Variants in SLC1A2 observed in about 807,000 individuals in gnomAD.
The protein encoded by SLC1A2 is solute carrier family 1 member 2, also known as excitatory amino acid transporter 2.
In SLC1A2, 15 loss-of-function variants were observed where a neutral mutation model predicts 48.8. The observed-to-expected ratio is 0.31, with a 90% CI of 0.21 to 0.47. The LOEUF (loss-of-function observed/expected upper bound fraction) is 0.47. SLC1A2 is among the 20% of genes least tolerant of loss of function. SLC1A2 has a pLI of 0.99. For missense variants in SLC1A2, 502 were observed against 730.5 expected (o/e 0.69, Z 3.61); for synonymous variants, 279 against 272.6 (o/e 1.02, Z -0.23).
chr11:35,390,023 T>C (rs895633662), intron 1 of SLC1A2, among the ~76,000 whole-genome samples: 2 of 152,206 alleles, frequency 1.3e-5, no homozygotes, highest in African/African-American at 4.8e-5. Context: ...GTTTGAAACT[T>C]TGATTTGTAT....
chr11:35,303,110 A>G (rs1851401253), intron 5 of SLC1A2, among the ~76,000 whole-genome samples: 1 of 151,720 alleles, frequency 6.6e-6, no homozygotes, highest in Non-Finnish European at 1.5e-5. Flanking sequence ...GTGTCCAGTT[A>G]TGCCTAAAGT....
chr11:35,328,301 T>A (rs1342113934), intron 1 of SLC1A2, among the ~76,000 whole-genome samples: 3 of 152,156 alleles, frequency 2.0e-5, no homozygotes, highest in South Asian at 2.1e-4. Context: ...GACTCCCCCA[T>A]CAGAGGGACC....
chr11:35,351,792 C>T (rs959852186), intron 1 of SLC1A2, among the ~76,000 whole-genome samples: 4 of 152,078 alleles, frequency 2.6e-5, no homozygotes, highest in East Asian at 1.9e-4. Context: ...CATGCCACTA[C>T]GCCCTGTTAA....
At chr11:35,327,807 C>T (rs1852296314) in intron 1 of SLC1A2, among the ~76,000 whole-genome samples, 1 of 152,166 alleles carries the variant, frequency 6.6e-6, no homozygotes, top group Non-Finnish European at 1.5e-5. Flanking sequence ...GAAACTTGCC[C>T]AAGCTCATGA....
At chr11:35,274,286 G>A (rs1327145265) in intron 9 of SLC1A2, among the ~76,000 whole-genome samples, 1 of 152,128 alleles carries the variant, frequency 6.6e-6, no homozygotes. Context: ...CAGAACTATA[G>A]CCCTGCCCCA....
intron 1 of SLC1A2, among the ~76,000 whole-genome samples, chr11:35,342,166 C>T (rs1411534924): frequency 6.6e-6 from 1 of 152,092 alleles, no homozygotes; most frequent in African/African-American, 2.4e-5. Flanking sequence ...TAGGCTTTTA[C>T]GTTTAAAATA....
intron 10 of SLC1A2, chr11:35,261,773 G>A (rs1259295907): frequency 3.0e-5 from 12 of 398,484 alleles, no homozygotes; most frequent in East Asian, 1.8e-4. Context: ...ATATGGAGAC[G>A]TGACAAACGC....
chr11:35,284,168 TA>T (rs1349410537), intron 8 of SLC1A2, among the ~76,000 whole-genome samples: 1 of 149,630 alleles, frequency 6.7e-6, no homozygotes, highest in Non-Finnish European at 1.5e-5. Flanking sequence ...GTGTAATGGT[TA>T]AAAACACAAA....
intron 1 of SLC1A2, among the ~76,000 whole-genome samples, chr11:35,398,603 C>A (rs180917519): frequency 6.6e-6 from 1 of 152,256 alleles, no homozygotes; most frequent in African/African-American, 2.4e-5. Context: ...GTATACCAAA[C>A]CCCTGTGACA....
chr11:35,404,878 A>G (rs1031337587), intron 1 of SLC1A2, among the ~76,000 whole-genome samples: 2 of 152,148 alleles, frequency 1.3e-5, no homozygotes, highest in African/African-American at 4.8e-5. Context: ...AGACGAGAAA[A>G]CCCAGCATCT....
intron 1 of SLC1A2, among the ~76,000 whole-genome samples, chr11:35,353,926 A>C (rs117775986): frequency 1.3e-5 from 2 of 152,330 alleles, no homozygotes; most frequent in East Asian, 3.9e-4. Context: ...ATTAATATAC[A>C]TTTAAACTTT....
At chr11:35,412,698 C>T (rs920794292) in intron 1 of SLC1A2, among the ~76,000 whole-genome samples, 1 of 152,220 alleles carries the variant, frequency 6.6e-6, no homozygotes. Flanking sequence ...AGTTAAGTCG[C>T]AACCCTAAAC....
At chr11:35,322,546 A>G (rs1490299382) in intron 1 of SLC1A2, 2 of 1,463,962 alleles carry the variant, frequency 1.4e-6, no homozygotes, top group African/African-American at 1.4e-5. Flanking sequence ...GAGGTTTGCA[A>G]TGGGCTTCAC....
intron 1 of SLC1A2, among the ~76,000 whole-genome samples, chr11:35,330,773 G>A (rs1852400695): frequency 6.6e-6 from 1 of 152,200 alleles, no homozygotes; most frequent in South Asian, 2.1e-4. Context: ...GCCAAGGCAT[G>A]TGAGAAGCTT....
intron 1 of SLC1A2, among the ~76,000 whole-genome samples, chr11:35,412,349 T>C (rs769614659): frequency 6.6e-6 from 1 of 152,238 alleles, no homozygotes; most frequent in African/African-American, 2.4e-5. Context: ...TGTAGATATA[T>C]GTCAATTGCC....
chr11:35,356,898 T>C (rs1416842729), intron 1 of SLC1A2, among the ~76,000 whole-genome samples: 1 of 152,262 alleles, frequency 6.6e-6, no homozygotes, highest in African/African-American at 2.4e-5. Context: ...TTTTACTCAT[T>C]TAATTTGCTC....
At chr11:35,392,734 T>G (rs1267865696) in intron 1 of SLC1A2, among the ~76,000 whole-genome samples, 1 of 152,160 alleles carries the variant, frequency 6.6e-6, no homozygotes, top group Non-Finnish European at 1.5e-5. Flanking sequence ...CAGTATCTGT[T>G]CAGGCTTGGC....
At chr11:35,294,370 C>T (rs911586821) in intron 6 of SLC1A2, among the ~76,000 whole-genome samples, 12 of 152,128 alleles carry the variant, frequency 7.9e-5, no homozygotes, top group African/African-American at 2.7e-4. Context: ...CTTCCCTAGA[C>T]ATTAGGGAGT....
Position 35,286,925 on chromosome 11 carries a change from C to T in SLC1A2, c.1118G>A (p.Arg373His), listed in dbSNP as rs147645566. The T allele has an allele frequency of 1.3e-5, 21 of 1,613,784 alleles. No individual in the cohort carries two copies. Among genetic ancestry groups the T allele is most frequent in the East Asian group, 2.2e-5 (1 of 44,894 alleles). The change falls in exon 8 of 11, where the codon CGT becomes CAT. Residue 373 changes from arginine (R) to histidine (H), a missense_variant. Arg to His is a conservative substitution (Grantham distance 29). Transcript: ENST00000278379. ...AATCCCCAGATTTTCTTCCAGGCAA[C>T]GAAAGGTGACAGGCAAAGTTCCAGC... ...SSAGTLPVTF[R>H]CLEENLGIDK... is the part of the protein sequence containing the mutation.
Sources: gnomAD v4.1 joint callset for allele counts (sites outside exome capture counted in the v4.1 genomes callset) on GRCh38, gnomAD v4.1.1 for gene constraint, MANE v1.5 for transcripts, NCBI Gene and HGNC (gene_info 2026-07-23, HGNC 2026-07-21) for gene names.